The following XXYLT1 variants were observed in gnomAD, a reference collection of about 807,000 sequenced individuals.
XXYLT1 encodes xyloside xylosyltransferase 1.
A neutral mutation model predicts 28.9 loss-of-function variants in XXYLT1; 20 were observed. The observed-to-expected ratio is 0.69, with a 90% CI of 0.49 to 1.00. The LOEUF (loss-of-function observed/expected upper bound fraction) is 1.00, where lower values mean the gene tolerates loss of function less well. XXYLT1 is among the 50% of genes least tolerant of loss of function. XXYLT1 has a pLI of 0.00. For missense variants in XXYLT1, 542 were observed against 560.1 expected (o/e 0.97, Z 0.33); for synonymous variants, 257 against 253.8 (o/e 1.01, Z -0.12).
rs1721886308 is a variant in XXYLT1, at chr3:195,180,283, G to A, written c.653-23702C>T. 2.0e-6 allele frequency: 2 copies of A among 980,960 alleles called. No homozygotes were observed. Among genetic ancestry groups the A allele is most frequent in the African/African-American group, 1.8e-5 (1 of 57,110 alleles). The allele number at this position is 980,960 out of a possible 1,614,324, so 60.8% of individuals were successfully genotyped here. A position where few individuals can be genotyped will look rare whatever the true frequency, so the allele number is the denominator to read the frequency against. ...GGCACACTCGGTCCCCCAGTTACAG[G>A]AAAGGTCCCTTCCATCCTGGGGACC... On this transcript the variant is annotated intron_variant, in intron 2 of 3. Transcript: ENST00000310380. This position sits in a 1 kb window ranked among gnomAD's most constrained non-coding sequence, Gnocchi z 5.8.
At chr3:195,089,954 A>G (rs1716037737) in intron 3 of XXYLT1, among the ~76,000 whole-genome samples, 2 of 152,004 alleles carry the variant, frequency 1.3e-5, no homozygotes, top group African/African-American at 4.8e-5. Context: ...TGGTAAAGGG[A>G]TCAATTCAAC....
rs78760764 is a variant in XXYLT1, at chr3:195,169,183, C to T, written c.653-12602G>A. Among the ~76,000 whole-genome samples, 1,427 of 152,354 alleles carry T rather than the reference C, an allele frequency of 9.4e-3. 22 individuals are homozygous for T. The highest frequency in any genetic ancestry group is 0.033 in the African/African-American group (1,367 of 41,572). ...AGGTCGCAGCAGTCCCTGCTGGCCG[C>T]GGCAACGCGCTTAGCAGAGCTGTCA... On this transcript the variant is annotated intron_variant, in intron 2 of 3. Transcript: ENST00000310380.
chr3:195,087,259 G>C (rs562618895), intron 3 of XXYLT1: 1 of 152,488 alleles, frequency 6.6e-6, no homozygotes, highest in South Asian at 2.1e-4. Context: ...CTTCCCGTTT[G>C]TACCCACTCT....
intron 2 of XXYLT1, among the ~76,000 whole-genome samples, chr3:195,190,354 G>C (rs1328772383): frequency 1.3e-5 from 2 of 151,892 alleles, no homozygotes; most frequent in East Asian, 3.9e-4. Context: ...AGTTAACCAG[G>C]CTTGGTGGCG....
chr3:195,219,153 T>C (rs1380590804), intron 2 of XXYLT1, among the ~76,000 whole-genome samples: 1 of 121,752 alleles, frequency 8.2e-6, no homozygotes, highest in African/African-American at 3.1e-5. Context: ...TATCACACTC[T>C]GGGGACTGTT....
At position 195,227,398 on chromosome 3, in the gene XXYLT1, G is replaced by A. The variant is rs116687786; in HGVS notation, c.505-542C>T. Among the ~76,000 whole-genome samples the A allele has an allele frequency of 4.3e-3, 655 of 152,286 alleles. 6 individuals carry two copies. Among genetic ancestry groups the A allele is most frequent in the African/African-American group, 0.014 (595 of 41,556 alleles). ...GTCTGGCCACTGGAAAATGGAACCC[G>A]GAAACTGCTCTGTGCTGCAGTAAAC... On this transcript the variant is annotated intron_variant, in intron 1 of 3. Transcript: ENST00000310380.
At chr3:195,127,152 T>C (rs1718679885) in intron 3 of XXYLT1, among the ~76,000 whole-genome samples, 3 of 152,098 alleles carry the variant, frequency 2.0e-5, no homozygotes, top group African/African-American at 7.2e-5. Flanking sequence ...AAAAGCCTTC[T>C]CCAACACAGC....
At chr3:195,117,650 T>C (rs1374687593) in intron 3 of XXYLT1, among the ~76,000 whole-genome samples, 8 of 141,412 alleles carry the variant, frequency 5.7e-5, no homozygotes, top group African/African-American at 1.3e-4. Context: ...TGCACCCCCC[T>C]CTCTCACGCA....
At chr3:195,179,401 A>G (rs999020406) in intron 2 of XXYLT1, among the ~76,000 whole-genome samples, 6 of 151,858 alleles carry the variant, frequency 4.0e-5, no homozygotes, top group Non-Finnish European at 7.4e-5. Context: ...GAGTTTTTCC[A>G]GCCCCAAAAC....
chr3:195,102,659 T>G (rs1188985110), intron 3 of XXYLT1, among the ~76,000 whole-genome samples: 5 of 151,174 alleles, frequency 3.3e-5, no homozygotes, highest in African/African-American at 7.3e-5. Flanking sequence ...ATATTCCGTT[T>G]TGTGTGTGTG....
intron 3 of XXYLT1, among the ~76,000 whole-genome samples, chr3:195,088,069 G>A (rs1057124759): frequency 6.6e-6 from 1 of 152,062 alleles, no homozygotes; most frequent in African/African-American, 2.4e-5. Flanking sequence ...CAGCACAGCG[G>A]TCTGAGATCA....
chr3:195,220,286 C>T (rs1016782861), intron 2 of XXYLT1, among the ~76,000 whole-genome samples: 21 of 152,106 alleles, frequency 1.4e-4, no homozygotes, highest in African/African-American at 2.9e-4. Context: ...GGACTACAGG[C>T]GCCCATCACC....
chr3:195,122,921 C>T (rs1718438851), intron 3 of XXYLT1, among the ~76,000 whole-genome samples: 2 of 152,178 alleles, frequency 1.3e-5, no homozygotes, highest in African/African-American at 2.4e-5. Flanking sequence ...TGGAAAGGAC[C>T]AGGTGCTATA....
At position 195,196,724 on chromosome 3, in the gene XXYLT1, T is replaced by A. The variant is rs114696456; in HGVS notation, c.652+29985A>T. Among the ~76,000 whole-genome samples the A allele has an allele frequency of 7.8e-3, 1,194 of 152,158 alleles. 27 individuals are homozygous for A. The highest frequency in any genetic ancestry group is 0.027 in the African/African-American group (1,124 of 41,492). On this transcript the variant is annotated intron_variant, in intron 2 of 3. Transcript: ENST00000310380. ...GGAGACCCAACCGTGTAAAAGCAAA[T>A]GTAACAGGATAAGAAAAGAAGATAA... is the stretch of plus-strand genomic sequence containing the variant.
intron 3 of XXYLT1, among the ~76,000 whole-genome samples, chr3:195,093,535 T>A (rs1287521221): frequency 1.4e-5 from 1 of 71,162 alleles, no homozygotes; most frequent in Non-Finnish European, 2.8e-5. Context: ...TGTTGTGGGG[T>A]GGTGGGAGGG....
At chr3:195,213,693 T>C (rs1723433171) in intron 2 of XXYLT1, among the ~76,000 whole-genome samples, 1 of 152,252 alleles carries the variant, frequency 6.6e-6, no homozygotes, top group Non-Finnish European at 1.5e-5. Flanking sequence ...AAATGTTTTT[T>C]ACTGCAGTAC....
intron 3 of XXYLT1, chr3:195,153,970 G>A (rs1014952883): frequency 6.6e-6 from 1 of 152,290 alleles, no homozygotes; most frequent in African/African-American, 2.4e-5. Flanking sequence ...CGGGGAGCGG[G>A]GACTTAGAGC....
chr3:195,096,392 G>C (rs1716446087), intron 3 of XXYLT1, among the ~76,000 whole-genome samples: 1 of 152,158 alleles, frequency 6.6e-6, no homozygotes. Flanking sequence ...TCTGTTCCCA[G>C]TGCGTCCCCA....
In XXYLT1 at chr3:195,110,890, T is replaced by TG. The variant is rs1163194004; in HGVS notation, c.786-40780dup. 7.9e-4 allele frequency among the ~76,000 whole-genome samples: 12 copies of TG among 15,270 alleles called. 1 individual carries two copies. Among genetic ancestry groups the TG allele is most frequent in the Non-Finnish European group, 2.0e-3 (11 of 5,494 alleles). 10.0% of individuals were successfully genotyped at this position (15,270 alleles called of 152,430 possible). A position where few individuals can be genotyped will look rare whatever the true frequency, so the allele number is the denominator to read the frequency against. ...GTGTGGTGTGTGGTGTATGTGTGCGTGTGTGTGGGTGAGGTGTGTGGTGTG... is the reference window on the plus strand; with the variant it reads ...GTGTGGTGTGTGGTGTATGTGTGCGTGGTGTGTGGGTGAGGTGTGTGGTGTG... On this transcript the variant is annotated intron_variant, in intron 3 of 3. Transcript: ENST00000310380.
Sources: gnomAD v4.1 joint callset for allele counts (sites outside exome capture counted in the v4.1 genomes callset) on GRCh38, gnomAD v4.1.1 for gene constraint, Gnocchi (gnomAD v3.1) non-coding constraint, MANE v1.5 for transcripts, NCBI Gene and HGNC (gene_info 2026-07-23, HGNC 2026-07-21) for gene names.